FANCC: variants seen among roughly 807,000 people sequenced by gnomAD.
The protein encoded by FANCC is FA complementation group C, also known as Fanconi anemia group C protein.
In FANCC, 55 loss-of-function variants were observed where a neutral mutation model predicts 71.3. The observed-to-expected ratio is 0.77, with a 90% confidence interval of 0.62 to 0.97. The LOEUF (loss-of-function observed/expected upper bound fraction) is 0.97, where lower values mean the gene tolerates loss of function less well. Ranked by LOEUF, FANCC falls within the 50% of genes least tolerant of loss-of-function variation. The pLI is 0.00. For missense variants in FANCC, 678 were observed against 670.9 expected (o/e 1.01, Z -0.12); for synonymous variants, 275 against 244.9 (o/e 1.12, Z -1.15).
At chr9:95,212,994 G>A (rs1046206188) in intron 4 of FANCC, among the ~76,000 whole-genome samples, 3 of 152,206 alleles carry the variant, frequency 2.0e-5, no homozygotes, top group African/African-American at 4.8e-5. Flanking sequence ...AGCTTCAAAT[G>A]TGGCTTGTCT....
Position 95,228,212 on chromosome 9 carries a change from C to A in FANCC, c.345+12437G>T, listed in dbSNP as rs9792415. ...AGAAAAGATGGGAGGGGAGCCAGGGCGGAAGCAGGGGCATGCGGAGCATGA... is the reference window on the plus strand; with the variant it reads ...AGAAAAGATGGGAGGGGAGCCAGGGAGGAAGCAGGGGCATGCGGAGCATGA... On this transcript the variant is annotated intron_variant, in intron 4 of 14. Transcript: ENST00000289081. Among the ~76,000 whole-genome samples, 503 of 152,264 alleles carry A rather than the reference C, an allele frequency of 3.3e-3. 9 individuals are homozygous for A. In the East Asian group the frequency reaches 0.043, roughly 13 times the overall value.
At chr9:95,228,251 ACAACACTCTCG>A (rs1221281662) in intron 4 of FANCC, among the ~76,000 whole-genome samples, 2 of 152,208 alleles carry the variant, frequency 1.3e-5, no homozygotes, top group Admixed American at 1.3e-4. Context: ...GTGCCACATT[ACAACACTCTCG>A]CAGCACTATT....
chr9:95,213,325 A>T (rs967631308), intron 4 of FANCC, among the ~76,000 whole-genome samples: 7 of 152,114 alleles, frequency 4.6e-5, no homozygotes, highest in Non-Finnish European at 1.0e-4. Context: ...AAAAACCATC[A>T]ATCAAAAGAG....
At chr9:95,240,155 G>A (rs993675619) in intron 4 of FANCC, among the ~76,000 whole-genome samples, 9 of 152,172 alleles carry the variant, frequency 5.9e-5, no homozygotes, top group Non-Finnish European at 1.0e-4. Context: ...AGCAGAGGCT[G>A]CGCAGCACCA....
intron 1 of FANCC, chr9:95,292,810 T>A (rs567156642): frequency 6.4e-7 from 1 of 1,574,246 alleles, no homozygotes; most frequent in African/African-American, 1.4e-5. Context: ...TTTATGAAAA[T>A]CCATGCTGAG....
At chr9:95,254,982 G>A (rs557853583) in intron 1 of FANCC, among the ~76,000 whole-genome samples, 5 of 152,226 alleles carry the variant, frequency 3.3e-5, no homozygotes, top group South Asian at 2.1e-4. Context: ...CAGCAAAGCC[G>A]CTGTAGCCAG....
chr9:95,214,635 A>T (rs1828737292), intron 4 of FANCC, among the ~76,000 whole-genome samples: 1 of 152,222 alleles, frequency 6.6e-6, no homozygotes, highest in Non-Finnish European at 1.5e-5. Context: ...GGATAAGCAA[A>T]ATGCAGTCTC....
chr9:95,102,532 T>G (rs933923817), intron 14 of FANCC, among the ~76,000 whole-genome samples: 2 of 152,242 alleles, frequency 1.3e-5, no homozygotes, highest in Non-Finnish European at 2.9e-5. Flanking sequence ...TTAAGAAGGC[T>G]TAAGTTTTTG....
At chr9:95,294,623 G>C (rs1387137964) in intron 1 of FANCC, 1 of 1,574,486 alleles carries the variant, frequency 6.4e-7, no homozygotes, top group East Asian at 2.2e-5. Context: ...CAGTTGAACA[G>C]TATAGAAACA....
chr9:95,160,108 T>G (rs1055196923), intron 6 of FANCC, among the ~76,000 whole-genome samples: 10 of 152,242 alleles, frequency 6.6e-5, no homozygotes, highest in African/African-American at 2.4e-4. Context: ...TGTCCATGAC[T>G]AGGTCCTGAA....
At chr9:95,254,418 C>A (rs927012169) in intron 1 of FANCC, among the ~76,000 whole-genome samples, 1 of 152,176 alleles carries the variant, frequency 6.6e-6, no homozygotes, top group African/African-American at 2.4e-5. Context: ...GTGGGAGCAG[C>A]CCACGGAGGG....
chr9:95,234,680 C>T (rs1023759291), intron 4 of FANCC, among the ~76,000 whole-genome samples: 7 of 152,154 alleles, frequency 4.6e-5, no homozygotes, highest in Non-Finnish European at 8.8e-5. Context: ...TAGACACACA[C>T]ACACACAGGG....
chr9:95,181,517 A>G (rs1179834376), intron 4 of FANCC, among the ~76,000 whole-genome samples: 1 of 152,224 alleles, frequency 6.6e-6, no homozygotes, highest in East Asian at 1.9e-4. Context: ...ATAAATTCCT[A>G]TAGTCATATA....
intron 4 of FANCC, among the ~76,000 whole-genome samples, chr9:95,207,678 C>T (rs1431855435): frequency 6.6e-6 from 1 of 152,150 alleles, no homozygotes; most frequent in Non-Finnish European, 1.5e-5. Flanking sequence ...GGTGCCTTCT[C>T]ATTGACAGTG....
intron 1 of FANCC, among the ~76,000 whole-genome samples, chr9:95,254,945 G>A (rs763247086): frequency 3.3e-5 from 5 of 152,128 alleles, no homozygotes; most frequent in Admixed American, 6.5e-5. Context: ...CCCTGACAGC[G>A]TAAACAAAGC....
intron 1 of FANCC, among the ~76,000 whole-genome samples, chr9:95,275,108 CAAA>C (rs532301118): frequency 1.2e-5 from 1 of 82,384 alleles, no homozygotes; most frequent in Non-Finnish European, 2.7e-5. Flanking sequence ...CCTGTCTCTA[CAAA>C]AAAAAAAAAA....
intron 9 of FANCC, among the ~76,000 whole-genome samples, chr9:95,125,790 T>G (rs774423924): frequency 2.1e-4 from 32 of 152,332 alleles, no homozygotes; most frequent in Middle Eastern, 3.4e-3. Flanking sequence ...CAGCCTCTGC[T>G]GCTGTGTGTT....
chr9:95,163,201 A>C (rs546625326), intron 6 of FANCC, among the ~76,000 whole-genome samples: 1 of 152,318 alleles, frequency 6.6e-6, no homozygotes, highest in African/African-American at 2.4e-5. Flanking sequence ...ATCTTTTCCC[A>C]ATCTTATAGA....
chr9:95,149,601 C>T (rs1830002864), intron 7 of FANCC, among the ~76,000 whole-genome samples: 1 of 152,022 alleles, frequency 6.6e-6, no homozygotes. Flanking sequence ...GACTCAGCCC[C>T]CCTAGTAGCT....
Sources: allele counts gnomAD v4.1 joint callset (sites outside exome capture counted in the v4.1 genomes callset), GRCh38; gene constraint gnomAD v4.1.1; transcripts MANE v1.5; gene names NCBI Gene and HGNC (gene_info 2026-07-23, HGNC 2026-07-21).